NDUFAF6: variants seen among roughly 807,000 people sequenced by gnomAD.
NDUFAF6 encodes the protein NADH dehydrogenase (ubiquinone) complex I, assembly factor 6.
In NDUFAF6, 45 loss-of-function variants were observed where a neutral mutation model predicts 40.8. The ratio of observed to expected loss-of-function variants is 1.10; its 90% CI spans 0.87 to 1.42. The LOEUF (loss-of-function observed/expected upper bound fraction) is 1.42, where lower values mean the gene tolerates loss of function less well. Among genes scored for constraint, NDUFAF6 ranks in the 40% most tolerant of loss-of-function variants. The pLI is 0.00. For missense variants in NDUFAF6, 435 were observed against 418.5 expected, an observed-to-expected ratio of 1.04 and a Z score of -0.34; for synonymous variants, 185 against 155.9, an observed-to-expected ratio of 1.19 and a Z score of -1.39.
intron 1 of NDUFAF6, among the ~76,000 whole-genome samples, chr8:94,962,614 TTG>T (rs1823672827): frequency 1.4e-5 from 1 of 73,504 alleles, no homozygotes; most frequent in Non-Finnish European, 3.3e-5. Context: ...TTTTTGTTTT[TTG>T]TTTTTTTTTT....
chr8:94,944,537 G>A (rs986098190), intron 1 of NDUFAF6, among the ~76,000 whole-genome samples: 8 of 152,174 alleles, frequency 5.3e-5, no homozygotes, highest in African/African-American at 1.7e-4. Context: ...CAAAGTCAGA[G>A]GCTGCCTCCA....
At chr8:95,100,128 C>T (rs1466984999), upstream of NDUFAF6, among the ~76,000 whole-genome samples, 1 of 152,130 alleles carries the variant, frequency 6.6e-6, no homozygotes, top group African/African-American at 2.4e-5. Context: ...CCTTTCTCCC[C>T]TCTTAATCAT....
At chr8:95,001,060 A>T (rs933458009) in intron 2 of NDUFAF6, among the ~76,000 whole-genome samples, 1 of 149,898 alleles carries the variant, frequency 6.7e-6, no homozygotes, top group East Asian at 2.0e-4. Flanking sequence ...GGCCCAAGTG[A>T]TCTTCCCATC....
chr8:95,056,400 A>G (rs983215110), intron 8 of NDUFAF6, among the ~76,000 whole-genome samples: 4 of 151,736 alleles, frequency 2.6e-5, no homozygotes, highest in African/African-American at 9.7e-5. Flanking sequence ...TTTTTGAGAG[A>G]TGGGGTTTTG....
chr8:94,920,772 C>T (rs762778681), intron 1 of NDUFAF6, among the ~76,000 whole-genome samples: 1 of 152,228 alleles, frequency 6.6e-6, no homozygotes, highest in African/African-American at 2.4e-5. Context: ...GCTGTGTTGC[C>T]AGCCATTCTC....
At chr8:94,936,575 A>C (rs559213115) in intron 1 of NDUFAF6, among the ~76,000 whole-genome samples, 1 of 152,162 alleles carries the variant, frequency 6.6e-6, no homozygotes, top group Non-Finnish European at 1.5e-5. Context: ...GGAAGCCCCT[A>C]GGTTTGGGTT....
intron 2 of NDUFAF6, among the ~76,000 whole-genome samples, chr8:94,948,529 ACAGGCGGGGG>A (rs1822219079): frequency 6.6e-6 from 1 of 152,178 alleles, no homozygotes; most frequent in South Asian, 2.1e-4. Flanking sequence ...CAGGCCGCGG[ACAGGCGGGGG>A]CCGGTGGCCG....
chr8:95,089,608 A>G (rs1299883170), intron 2 of NDUFAF6, among the ~76,000 whole-genome samples: 1 of 152,168 alleles, frequency 6.6e-6, no homozygotes, highest in African/African-American at 2.4e-5. Flanking sequence ...GTATGGTGGT[A>G]TCAGCCACTC....
downstream of NDUFAF6, among the ~76,000 whole-genome samples, chr8:95,061,924 G>A (rs539307887): frequency 1.2e-4 from 18 of 152,164 alleles, no homozygotes; most frequent in Admixed American, 6.5e-4. Context: ...TTAGGAGGCC[G>A]AGGCAGGTGG....
chr8:94,968,760 G>T (rs76631135), intron 1 of NDUFAF6, among the ~76,000 whole-genome samples: 19,705 of 152,220 alleles, frequency 0.13, 1,622 homozygotes, highest in Middle Eastern at 0.23. Flanking sequence ...AGTAAAAGCA[G>T]GTAAACCAGT....
At chr8:94,956,376 C>T (rs573100604), upstream of NDUFAF6, among the ~76,000 whole-genome samples, 4 of 152,256 alleles carry the variant, frequency 2.6e-5, no homozygotes, top group Admixed American at 2.0e-4. Flanking sequence ...CTCTGTGAAG[C>T]TCTAATCAGT....
intron 2 of NDUFAF6, among the ~76,000 whole-genome samples, chr8:95,008,735 G>T (rs1368948388): frequency 4.6e-5 from 7 of 152,082 alleles, no homozygotes; most frequent in Non-Finnish European, 8.8e-5. Flanking sequence ...TCTTGAACTC[G>T]TGACCTCAGG....
Position 95,025,114 on chromosome 8 carries a change from C to G in NDUFAF6, c.106C>G (p.Leu36Val), listed in dbSNP as rs2131713228. 6.8e-7 allele frequency: 1 copy of G among 1,479,192 alleles called. No individual in the cohort carries two copies. The highest frequency in any genetic ancestry group is 8.9e-7 in the Non-Finnish European group (1 of 1,124,822). 91.6% of individuals were successfully genotyped at this position (1,479,192 alleles called of 1,614,324 possible). A position where few individuals can be genotyped will look rare whatever the true frequency, so the allele number is the denominator to read the frequency against. Residue 36 changes from leucine to valine, a missense_variant, in exon 1 of 9, where the codon CTG becomes GTG. By Grantham distance (32) the Leu-to-Val change is conservative. Transcript: ENST00000396124. Reference protein sequence around the residue: ...PLGLYARMRRLPGPEVSGRSV... With the variant: ...PLGLYARMRRVPGPEVSGRSV... ...GGGTCTGTACGCGCGCATGCGGCGG[C>G]TGCCCGGGCCGGAGGTGTCTGGGCG...
At chr8:95,022,588 C>CAAAA (rs77755094), upstream of NDUFAF6, among the ~76,000 whole-genome samples, 1 of 111,348 alleles carries the variant, frequency 9.0e-6, no homozygotes, top group African/African-American at 3.3e-5. Context: ...TTTACCCCTC[C>CAAAA]AAAAAAAAAA....
rs368338137 is a variant in NDUFAF6, at chr8:94,980,117, A to G, written c.-198-742A>G. Among the ~76,000 whole-genome samples the G allele has an allele frequency of 2.5e-4, 38 of 151,208 alleles. No individual in the cohort carries two copies. The East Asian group carries it at 2.7e-3, about 11-fold the overall frequency. On this transcript the variant is annotated intron_variant, in intron 1 of 9. Coordinates refer to the NDUFAF6 transcript ENST00000396111. The stretch of plus-strand genomic sequence containing the variant: ...GTCTCAAAGCGAAAAAAAAAACAAC[A>G]AAAAAAACCAGAAAAAGAAATAGTG...
chr8:95,075,660 G>T (rs1049643760), exon 10 of NDUFAF6: 2 of 1,288,090 alleles, frequency 1.6e-6, no homozygotes, highest in Non-Finnish European at 2.0e-6. Context: ...CACTCAGGGC[G>T]TGTGTCTTGC....
intron 2 of NDUFAF6, among the ~76,000 whole-genome samples, chr8:94,983,256 CTTTTTTT>C (rs1173077785): frequency 2.4e-5 from 2 of 83,186 alleles, no homozygotes; most frequent in Non-Finnish European, 4.9e-5. Context: ...CTTTGCTATT[CTTTTTTT>C]TTTTTTTTTT....
intron 3 of NDUFAF6, among the ~76,000 whole-genome samples, chr8:95,040,253 T>A (rs1311380905): frequency 1.3e-5 from 2 of 152,240 alleles, no homozygotes; most frequent in Non-Finnish European, 2.9e-5. Flanking sequence ...GATTCTTAGC[T>A]GGCAGCCATA....
intron 9 of NDUFAF6, among the ~76,000 whole-genome samples, chr8:95,073,623 C>A (rs935427800): frequency 5.9e-5 from 9 of 152,290 alleles, no homozygotes; most frequent in African/African-American, 2.2e-4. Context: ...ATGGCTCATT[C>A]TAACACCTTC....
Sources: gnomAD v4.1 joint callset for allele counts (sites outside exome capture counted in the v4.1 genomes callset) on GRCh38, gnomAD v4.1.1 for gene constraint, MANE v1.5 for transcripts, NCBI Gene and HGNC (gene_info 2026-07-23, HGNC 2026-07-21) for gene names.